The following EIF1AX variants were observed in gnomAD, a reference collection of about 807,000 sequenced individuals.
EIF1AX encodes eukaryotic translation initiation factor 1A, X-chromosomal.
EIF1AX carries 1 observed loss-of-function variant against 16.1 expected under a neutral mutation model. The ratio of observed to expected loss-of-function variants is 0.06; its 90% CI spans 0.02 to 0.30. The LOEUF (loss-of-function observed/expected upper bound fraction) is 0.30, where lower values mean the gene tolerates loss of function less well. EIF1AX is among the 10% of genes least tolerant of loss of function. The pLI is 1.00. For synonymous variants in EIF1AX, 32 were observed against 37.3 expected (o/e 0.86, Z 0.51); for missense variants, 11 against 109.1 (o/e 0.10, Z 4.00).
In EIF1AX at chrX:20,125,364, C is replaced by T. The variant is rs1239104444; in HGVS notation, c.*2942G>A. ...CTTTTCTGAATAGGAAGAAAAAAAG[C>T]AAAGATAAAAAGGATGGTAGTTTAG... On this transcript the variant is annotated 3_prime_UTR_variant, in exon 7 of 7. Coordinates refer to ENST00000379607, the MANE Select transcript of EIF1AX (RefSeq NM_001412.4). 13 of 170,540 alleles carry T rather than the reference C, an allele frequency of 7.6e-5. No homozygotes were observed. Among genetic ancestry groups the T allele is most frequent in the African/African-American group, 3.5e-4 (12 of 33,838 alleles). 14.1% of individuals were successfully genotyped at this position (170,540 alleles called of 1,213,427 possible).
At chrX:20,132,156 A>G in intron 5 of EIF1AX, 26 bp downstream of exon 5, 1 of 1,136,262 alleles carries the variant, frequency 8.8e-7, no homozygotes. Flanking sequence ...CCATATGACA[A>G]GTTAATACAG....
At chrX:20,141,596 C>G (rs1383252718) in intron 1 of EIF1AX, 29 bp downstream of exon 1, 6 of 1,150,043 alleles carry the variant, frequency 5.2e-6, no homozygotes. Flanking sequence ...CCGAGCAGAG[C>G]CGTGGTCCGG....
chrX:20,133,169 CT>C (rs761989261), intron 4 of EIF1AX, among the ~76,000 whole-genome samples: 34 of 111,743 alleles, frequency 3.0e-4, no homozygotes, highest in Non-Finnish European at 5.3e-4. Flanking sequence ...ATTTTGGACC[CT>C]TGGTTTCCTT....
chrX:20,131,195 T>C (rs2067000093), intron 5 of EIF1AX, among the ~76,000 whole-genome samples: 1 of 112,284 alleles, frequency 8.9e-6, no homozygotes, highest in Admixed American at 9.5e-5. Context: ...GATGAGGTTA[T>C]AAGGGACTTA....
chrX:20,141,495 C>A, intron 1 of EIF1AX, 130 bp downstream of exon 1: 1 of 802,444 alleles, frequency 1.2e-6, no homozygotes. Flanking sequence ...GCGTGTGGGG[C>A]GCCCAGCCGC....
chrX:20,135,962 T>C, intron 2 of EIF1AX, 121 bp from the exon 3 acceptor site: 1 of 500,464 alleles, frequency 2.0e-6, no homozygotes, highest in Non-Finnish European at 3.6e-6. Flanking sequence ...ATACATATAG[T>C]AAAACTATAA....
chrX:20,136,407 C>G (rs1420756976), intron 2 of EIF1AX: 18 of 281,514 alleles, frequency 6.4e-5, no homozygotes, highest in Non-Finnish European at 1.2e-4. Context: ...AAGCAGATCT[C>G]AGAGAATGTA....
chrX:20,131,172 A>C (rs1013240664), intron 5 of EIF1AX, among the ~76,000 whole-genome samples: 12 of 112,110 alleles, frequency 1.1e-4, no homozygotes, highest in African/African-American at 3.9e-4. Flanking sequence ...TATGTCAAGT[A>C]CATTTCCCCT....
In EIF1AX at chrX:20,134,532, G is replaced by A. The variant is rs776963450; in HGVS notation, c.205-525C>T. Among the ~76,000 whole-genome samples, 21 of 111,604 alleles carry A rather than the reference G, an allele frequency of 1.9e-4. 1 individual carries two copies. Among genetic ancestry groups the A allele is most frequent in the Admixed American group, 1.7e-3 (18 of 10,609 alleles). ...GCCGGCGGGTCACTTGAGGTCAGGAGTTCAAGACCAGCCTGGCCAAAATGG... is the reference window on the plus strand; with the variant it reads ...GCCGGCGGGTCACTTGAGGTCAGGAATTCAAGACCAGCCTGGCCAAAATGG... On this transcript the variant is annotated intron_variant, in intron 3 of 6. Coordinates refer to ENST00000379607, the MANE Select transcript of EIF1AX (RefSeq NM_001412.4).
rs1458896677 is a variant in EIF1AX at position 20,130,147 on chromosome X, CAAA to C, written c.429+366_429+368del. ...TGAAACCTCGTCTCTACTAAAAATACAAAAAATTAGCCAGGCGTGGTGGCACGC... is the reference window on the plus strand; with the variant it reads ...TGAAACCTCGTCTCTACTAAAAATACAAATTAGCCAGGCGTGGTGGCACGC... On this transcript the variant is annotated intron_variant, in intron 6 of 6. Coordinates refer to ENST00000379607, the MANE Select transcript of EIF1AX (RefSeq NM_001412.4). Among the ~76,000 whole-genome samples the C allele has an allele frequency of 3.8e-3, 410 of 108,406 alleles. 3 individuals carry two copies. The highest frequency in any genetic ancestry group is 0.013 in the African/African-American group (398 of 29,848). 94.1% of individuals were successfully genotyped at this position (108,406 alleles called of 115,157 possible).
chrX:20,129,623 TTTA>T, intron 6 of EIF1AX, among the ~76,000 whole-genome samples: 1 of 112,581 alleles, frequency 8.9e-6, no homozygotes, highest in African/African-American at 3.2e-5. Context: ...GCATTACTAC[TTTA>T]TTATTAGGAA....
chrX:20,138,671 T>C, intron 1 of EIF1AX, 49 bp from the exon 2 acceptor site: 1 of 876,221 alleles, frequency 1.1e-6, no homozygotes, highest in Non-Finnish European at 1.6e-6. Flanking sequence ...TAATTATCTG[T>C]AAAACAGTAT....
chrX:20,132,373 A>G (rs2067003944), intron 4 of EIF1AX, 110 bp from the exon 5 acceptor site: 1 of 522,626 alleles, frequency 1.9e-6, no homozygotes, highest in Admixed American at 4.0e-5. Flanking sequence ...TTTACTATAA[A>G]TCTTTCTCCT....
Position 20,125,048 on chromosome X carries a change from A to C in EIF1AX, c.*3258T>G, listed in dbSNP as rs1430612617. 1 of 144,399 alleles carries C rather than the reference A, an allele frequency of 6.9e-6. No homozygotes were observed. The highest frequency in any genetic ancestry group is 1.4e-5 in the Non-Finnish European group (1 of 72,758). 11.9% of individuals were successfully genotyped at this position (144,399 alleles called of 1,213,427 possible). A position where few individuals can be genotyped will look rare whatever the true frequency, so the allele number is the denominator to read the frequency against. On this transcript the variant is annotated 3_prime_UTR_variant, in exon 7 of 7. Transcript: ENST00000379607. ...TTATCAATCCTCCCAACAATTCTGC[A>C]TGACAGGTACTGTTTTCATCATCCC...
Position 20,127,156 on chromosome X carries a change from A to T in EIF1AX, c.*1150T>A, listed in dbSNP as rs1457414661. On this transcript the variant is annotated 3_prime_UTR_variant, in exon 7 of 7. Coordinates refer to ENST00000379607, the MANE Select transcript of EIF1AX (RefSeq NM_001412.4). ...AAAGCTAATTCCCAATACAAGCAAA[A>T]AACAAAAACAAAAAACAAAAACAAA... The T allele has an allele frequency of 7.5e-6, 1 of 133,906 alleles. No individual in the cohort carries two copies. Among genetic ancestry groups the T allele is most frequent in the African/African-American group, 3.3e-5 (1 of 30,715 alleles). The allele number at this position is 133,906 out of a possible 1,213,427, so 11.0% of individuals were successfully genotyped here.
intron 2 of EIF1AX, among the ~76,000 whole-genome samples, chrX:20,138,330 G>A (rs756280547): frequency 1.8e-5 from 2 of 110,107 alleles, no homozygotes; most frequent in African/African-American, 3.3e-5. Context: ...TTAGCCAGAC[G>A]TGGTGGTGTG....
At chrX:20,138,019 T>G (rs1016833162) in intron 2 of EIF1AX, among the ~76,000 whole-genome samples, 3 of 82,785 alleles carry the variant, frequency 3.6e-5, no homozygotes, top group Non-Finnish European at 4.8e-5. Flanking sequence ...TTTTTTTTTT[T>G]TTTGAGACAG....
At chrX:20,138,416 C>T in intron 2 of EIF1AX, 123 bp downstream of exon 2, 1 of 565,160 alleles carries the variant, frequency 1.8e-6, no homozygotes, top group Non-Finnish European at 3.0e-6. Flanking sequence ...CTGCAGTGGG[C>T]TGTAATCGTG....
chrX:20,131,362 G>A (rs759555869), intron 5 of EIF1AX, among the ~76,000 whole-genome samples: 1 of 111,977 alleles, frequency 8.9e-6, no homozygotes, highest in South Asian at 3.7e-4. Flanking sequence ...GCCGGGCATG[G>A]TGGTTCACGC....
Sources: gnomAD v4.1 joint callset for allele counts (sites outside exome capture counted in the v4.1 genomes callset) on GRCh38, gnomAD v4.1.1 for gene constraint, MANE v1.5 for transcripts, NCBI Gene and HGNC (gene_info 2026-07-23, HGNC 2026-07-21) for gene names.